The following KLRC3 variants were observed in gnomAD, a reference collection of about 807,000 sequenced individuals.
KLRC3 encodes NKG2-E type II integral membrane protein.
Under a neutral mutation model 23.6 loss-of-function variants are expected in KLRC3, and 16 were observed. That is an observed-to-expected ratio of 0.68 (90% CI 0.46 to 1.03). The LOEUF is 1.03. Ranked by LOEUF, KLRC3 falls within the 50% of genes least tolerant of loss-of-function variation. The pLI is 0.00. For synonymous variants in KLRC3, 70 were observed against 71.8 expected, an observed-to-expected ratio of 0.98 and a Z score of 0.13; for missense variants, 209 against 232.2, an observed-to-expected ratio of 0.90 and a Z score of 0.65.
Position 10,416,721 on chromosome 12 carries a change from C to T in KLRC3, c.533G>A (p.Arg178His), listed in dbSNP as rs768046359. The T allele has an allele frequency of 4.2e-5, 67 of 1,609,520 alleles. No individual in the cohort carries two copies. The highest frequency in any genetic ancestry group is 8.9e-5 in the East Asian group (4 of 44,828). Residue 178 changes from arginine (R) to histidine (H), a missense_variant, in exon 5 of 7, where the codon CGT (arginine) becomes CAT (histidine). Around this residue, in one of 4 missense-constraint regions of KLRC3, gnomAD observed 17 missense variants for 39.5 expected, o/e 0.43. Transcript: ENST00000396439. ...ILPSSWIGVF[R>H]NSSHHPWVTI... is the part of the protein sequence containing the mutation. Reference sequence around the variant, plus strand: ...CACCCATGGATGATGACTGCTGTTACGAAACACACCAATCCATGAGGAAGG... The same window carrying T: ...CACCCATGGATGATGACTGCTGTTATGAAACACACCAATCCATGAGGAAGG...
At chr12:10,415,105 T>C (rs564505678) in intron 6 of KLRC3, among the ~76,000 whole-genome samples, 1 of 152,290 alleles carries the variant, frequency 6.6e-6, no homozygotes, top group South Asian at 2.1e-4. Context: ...AAGAAGCTAA[T>C]CTTTAAAAAT....
rs761626461 is a variant in KLRC3, at chr12:10,420,439, T to G, written c.112A>C (p.Ile38Leu). The G allele has an allele frequency of 1.2e-6, 2 of 1,613,528 alleles. No individual in the cohort carries two copies. Among genetic ancestry groups the G allele is most frequent in the East Asian group, 4.5e-5 (2 of 44,844 alleles). The change falls in exon 1 of 7, where the codon ATA becomes CTA. Residue 38 changes from isoleucine (I) to leucine (L), a missense_variant. By Grantham distance (5) the Ile-to-Leu change is conservative (BLOSUM62 2). Transcript: ENST00000396439. ...TGAAGGTTTAATTCTACTTGGAATA[T>G]TTCCTGTTCGGTTCCTGAAATGGAG... ...KSSISGTEQEIFQVELNLQNA... is the reference protein window; with the variant it reads ...KSSISGTEQELFQVELNLQNA...
At chr12:10,416,843 A>G in intron 4 of KLRC3, 76 bp from the exon 5 acceptor site, 3 of 1,339,674 alleles carry the variant, frequency 2.2e-6, no homozygotes, top group Non-Finnish European at 3.0e-6. Context: ...AAAGTTGAAA[A>G]CCACTATTTG....
intron 1 of KLRC3, 62 bp downstream of exon 1, chr12:10,420,302 C>A: frequency 6.6e-7 from 1 of 1,519,558 alleles, no homozygotes; most frequent in East Asian, 2.3e-5. Context: ...TCTTTCCTCA[C>A]CCTTCTGCAT....
At position 10,418,373 on chromosome 12, in the gene KLRC3, G is replaced by A. The variant is rs767645059; in HGVS notation, c.457C>T (p.Leu153=). 6.2e-7 allele frequency: 1 copy of A among 1,610,966 alleles called. No individual in the cohort carries two copies. The highest frequency in any genetic ancestry group is 1.7e-5 in the Admixed American group (1 of 59,954). Residue 153 remains leucine, a synonymous_variant, in exon 4 of 7, where the codon CTG becomes TTG. Coordinates refer to ENST00000396439, the MANE Select transcript of KLRC3 (RefSeq NM_002261.3). ...QACASKNSSS[L]LCIDNEEEMK... ...TCTTCTTCATTATCTATACAAAGCA[G>A]ACTAGAAGAGTTCTTTGAAGCACAG...
chr12:10,415,754 G>A lies in KLRC3; in HGVS notation c.628C>T (p.Leu210=). The change falls in exon 6 of 7, where the codon CTA becomes TTA. Residue 210 remains leucine (L), a synonymous_variant. Coordinates refer to ENST00000396439, the MANE Select transcript of KLRC3 (RefSeq NM_002261.3). ...SDHAERNCAM[L]HVRGLISDQC... is the part of the protein sequence containing the mutation. ...TCTGATATAAGTCCACGTACATGTA[G>A]CATTGCACAGTTACGTTCAGCATGA... is the stretch of plus-strand genomic sequence containing the variant. 1 of 1,612,852 alleles carries A rather than the reference G, an allele frequency of 6.2e-7. No individual in the cohort carries two copies. The highest frequency in any genetic ancestry group is 8.5e-7 in the Non-Finnish European group (1 of 1,179,322).
In KLRC3 at chr12:10,420,521, T is replaced by C; in HGVS notation, c.30A>G (p.Glu10=). 1.2e-6 allele frequency: 2 copies of C among 1,606,426 alleles called. No individual in the cohort carries two copies. The highest frequency in any genetic ancestry group is 1.7e-6 in the Non-Finnish European group (2 of 1,177,404). ...ACTTTGGGTCCTGGGCCAGACTCAC[T>C]TCTGAGAAGGTTCCTCTTTGTTTAC... The part of the protein sequence containing the change: MSKQRGTFS[E]VSLAQDPKWQ... Residue 10 remains glutamate, a synonymous_variant, in exon 1 of 7, where the codon GAA becomes GAG. Transcript: ENST00000396439.
intron 1 of KLRC3, among the ~76,000 whole-genome samples, 186 bp from the exon 2 acceptor site, chr12:10,420,150 T>G (rs546817910): frequency 6.6e-6 from 1 of 152,172 alleles, no homozygotes; most frequent in East Asian, 1.9e-4. Context: ...TTTCAGTAAA[T>G]GTAATGTTCC....
At chr12:10,413,790 C>G (rs1013188959) in intron 6 of KLRC3, among the ~76,000 whole-genome samples, 4 of 149,456 alleles carry the variant, frequency 2.7e-5, no homozygotes, top group Admixed American at 6.6e-5. Context: ...CCCCCCACCC[C>G]CCGACAGGCC....
At chr12:10,414,551 TA>T (rs1863613125) in intron 6 of KLRC3, among the ~76,000 whole-genome samples, 2 of 125,610 alleles carry the variant, frequency 1.6e-5, no homozygotes, top group African/African-American at 6.2e-5. Context: ...ATAGAAAAAA[TA>T]AAAGTGTGAT....
chr12:10,418,131 G>A (rs77748738), intron 4 of KLRC3, among the ~76,000 whole-genome samples: 2,826 of 152,190 alleles, frequency 0.019, 94 homozygotes, highest in African/African-American at 0.064. Flanking sequence ...AGCATTAATA[G>A]AAGCATGGTT....
chr12:10,420,461 G>A lies in KLRC3; in HGVS notation c.90C>T (p.Ser30=), dbSNP rs779310371. Residue 30 remains serine (S), a synonymous_variant, in exon 1 of 7, where the codon TCC becomes TCT. Transcript: ENST00000396439. ...ATATTTCCTGTTCGGTTCCTGAAAT[G>A]GAGCTTTTATTGCCTTTAGGTTTCC... ...QQRKPKGNKS[S]ISGTEQEIFQ... is the part of the protein sequence containing the mutation. The A allele has an allele frequency of 2.5e-6, 4 of 1,613,174 alleles. No individual in the cohort carries two copies. The Admixed American group carries it at 6.7e-5, about 27-fold the overall frequency.
At position 10,418,517 on chromosome 12, in the gene KLRC3, A is replaced by G. The variant is rs766999272; in HGVS notation, c.332-19T>C. 2 of 1,550,160 alleles carry G rather than the reference A, an allele frequency of 1.3e-6. No individual in the cohort carries two copies. Among genetic ancestry groups the G allele is most frequent in the Admixed American group, 3.5e-5 (2 of 57,560 alleles). On this transcript the variant is annotated intron_variant, in intron 3 of 6. Transcript: ENST00000396439. ...TGACGTGCTAATAAAGATATGAATT[A>G]CTATCTAGACCAATATGAATTTTTA...
chr12:10,419,791 A>G (rs1367670156), intron 2 of KLRC3, 75 bp downstream of exon 2: 7 of 395,122 alleles, frequency 1.8e-5, no homozygotes, highest in Non-Finnish European at 3.3e-5. Context: ...ATTCTTCAAC[A>G]GTATGAAATA....
rs1264354237 is a variant in KLRC3, at chr12:10,420,393, T to G, written c.158A>C (p.Gln53Pro). 1 of 1,613,642 alleles carries G rather than the reference T, an allele frequency of 6.2e-7. No individual in the cohort carries two copies. Among genetic ancestry groups the G allele is most frequent in the African/African-American group, 1.3e-5 (1 of 74,860 alleles). Reference protein sequence around the residue: ...LNLQNASLNHQGIDKIYDCQG... With the variant: ...LNLQNASLNHPGIDKIYDCQG... ...GCAGTCATATATTTTATCAATCCCT[T>G]GATGATTCAGAGAAGCATTTTGAAG... Residue 53 changes from glutamine (Q) to proline (P), a missense_variant, in exon 1 of 7, where the codon CAA (glutamine) becomes CCA (proline). Transcript: ENST00000396439.
chr12:10,414,766 T>TA (rs1177489386), intron 6 of KLRC3, among the ~76,000 whole-genome samples: 1 of 140,744 alleles, frequency 7.1e-6, no homozygotes, highest in Non-Finnish European at 1.6e-5. Context: ...ATAATAATAA[T>TA]AAAAAAAGAA....
At chr12:10,415,927 A>G (rs1863636007) in intron 5 of KLRC3, 133 bp from the exon 6 acceptor site, 1 of 660,156 alleles carries the variant, frequency 1.5e-6, no homozygotes, top group Non-Finnish European at 2.6e-6. Flanking sequence ...GCTATTACTA[A>G]AAGTCATTAT....
rs139190211 is a variant in KLRC3, at chr12:10,418,556, G to C, written c.332-58C>G. On this transcript the variant is annotated intron_variant, in intron 3 of 6. Coordinates refer to ENST00000396439, the MANE Select transcript of KLRC3 (RefSeq NM_002261.3). ...TATGAATTTTTAAAAATGAAAATTA[G>C]TTCACATATTTGCAACAGTATAAAC... The C allele has an allele frequency of 3.1e-4, 458 of 1,488,764 alleles. No individual in the cohort carries two copies. In the African/African-American group the frequency reaches 5.6e-3, roughly 18 times the overall value. The allele number at this position is 1,488,764 out of a possible 1,614,324, so 92.2% of individuals were successfully genotyped here. A position where few individuals can be genotyped will look rare whatever the true frequency, so the allele number is the denominator to read the frequency against.
intron 6 of KLRC3, among the ~76,000 whole-genome samples, chr12:10,414,248 A>C (rs76257986): frequency 0.014 from 2,180 of 152,234 alleles, 53 homozygotes; most frequent in African/African-American, 0.05. Flanking sequence ...TATTTTATAA[A>C]ATGTTGTATA....
Sources: gnomAD v4.1 joint callset for allele counts (sites outside exome capture counted in the v4.1 genomes callset) on GRCh38, gnomAD v4.1.1 for gene constraint, gnomAD v4.1.1 regional missense constraint, MANE v1.5 for transcripts, NCBI Gene and HGNC (gene_info 2026-07-23, HGNC 2026-07-21) for gene names.